WDFY2: variants seen among roughly 807,000 people sequenced by gnomAD.
The protein encoded by WDFY2 is WD repeat and FYVE domain-containing protein 2.
In WDFY2, 36 loss-of-function variants were observed where a neutral mutation model predicts 56.4. The ratio of observed to expected loss-of-function variants is 0.64; its 90% CI spans 0.49 to 0.84. The LOEUF is 0.84. Ranked by LOEUF, WDFY2 falls within the 40% of genes least tolerant of loss-of-function variation. The pLI, the probability that WDFY2 is intolerant of heterozygous loss-of-function variation, is 0.00. For missense variants in WDFY2, 444 were observed against 512.2 expected (o/e 0.87, Z 1.29); for synonymous variants, 176 against 183.7 (o/e 0.96, Z 0.34).
At chr13:51,642,773 C>T (rs1295619960) in intron 1 of WDFY2, among the ~76,000 whole-genome samples, 1 of 151,432 alleles carries the variant, frequency 6.6e-6, no homozygotes, top group East Asian at 1.9e-4. Flanking sequence ...CTCCACCTCC[C>T]AGGTTCAAGT....
chr13:51,604,001 T>C (rs1050570608), intron 1 of WDFY2, among the ~76,000 whole-genome samples: 1 of 152,222 alleles, frequency 6.6e-6, no homozygotes, highest in Admixed American at 6.5e-5. Context: ...CATTAGCTGA[T>C]GTTTGCCATG....
chr13:51,597,233 A>G (rs1329767682), intron 1 of WDFY2, among the ~76,000 whole-genome samples: 2 of 152,240 alleles, frequency 1.3e-5, no homozygotes, highest in African/African-American at 2.4e-5. Context: ...TAAGTGAACA[A>G]ACGGTTGAGT....
chr13:51,702,897 A>C (rs1371083285), intron 3 of WDFY2, among the ~76,000 whole-genome samples: 2 of 152,226 alleles, frequency 1.3e-5, no homozygotes, highest in Non-Finnish European at 2.9e-5. Flanking sequence ...GGATCTCATA[A>C]ACAATCAGCT....
intron 3 of WDFY2, among the ~76,000 whole-genome samples, 200 bp from the exon 4 acceptor site, chr13:51,703,391 TATAAG>T (rs1952022738): frequency 6.6e-6 from 1 of 152,140 alleles, no homozygotes; most frequent in African/African-American, 2.4e-5. Context: ...AGTCAACACT[TATAAG>T]GTAAAATTAT....
At chr13:51,597,648 A>AT (rs1954177010) in intron 1 of WDFY2, among the ~76,000 whole-genome samples, 1 of 152,248 alleles carries the variant, frequency 6.6e-6, no homozygotes, top group Non-Finnish European at 1.5e-5. Flanking sequence ...TGCAGAGAGA[A>AT]TGGGATCAAA....
At chr13:51,600,341 C>G (rs1954248469) in intron 1 of WDFY2, among the ~76,000 whole-genome samples, 1 of 152,154 alleles carries the variant, frequency 6.6e-6, no homozygotes, top group Non-Finnish European at 1.5e-5. Context: ...CTTGCAGAAT[C>G]CAAGGGATGC....
chr13:51,745,263 A>G (rs1008240946), intron 7 of WDFY2, among the ~76,000 whole-genome samples: 1 of 152,182 alleles, frequency 6.6e-6, no homozygotes, highest in Non-Finnish European at 1.5e-5. Context: ...GATAGGGAAA[A>G]CCCAATTGGC....
rs143646275 is a variant in WDFY2 at position 51,663,974 on chromosome 13, T to C, written c.205+3311T>C. Among the ~76,000 whole-genome samples the C allele has an allele frequency of 1.9e-4, 29 of 152,336 alleles. No individual in the cohort carries two copies. The East Asian group carries it at 5.0e-3, about 26-fold the overall frequency. ...GTTAATTTTGTCCATTAAAATACCT[T>C]TTAAATATAGTGTTTGTCATATTCC... On this transcript the variant is annotated intron_variant, in intron 2 of 11. Coordinates refer to ENST00000298125, the MANE Select transcript of WDFY2 (RefSeq NM_052950.4).
At chr13:51,643,556 A>G (rs562828958) in intron 1 of WDFY2, among the ~76,000 whole-genome samples, 1 of 152,286 alleles carries the variant, frequency 6.6e-6, no homozygotes, top group South Asian at 2.1e-4. Flanking sequence ...GGTATTGATG[A>G]ACACTCTCAT....
At chr13:51,671,965 A>G (rs1593968932) in intron 2 of WDFY2, among the ~76,000 whole-genome samples, 1 of 151,238 alleles carries the variant, frequency 6.6e-6, no homozygotes, top group Non-Finnish European at 1.5e-5. Context: ...TGTATTTTTA[A>G]TAGAGATGGG....
chr13:51,654,442 T>C (rs1955467950), intron 1 of WDFY2, among the ~76,000 whole-genome samples: 1 of 152,224 alleles, frequency 6.6e-6, no homozygotes, highest in Non-Finnish European at 1.5e-5. Context: ...CCCAGTGAGA[T>C]GAACCTGGTA....
chr13:51,757,250 G>T (rs909172369), intron 10 of WDFY2, among the ~76,000 whole-genome samples: 2 of 152,084 alleles, frequency 1.3e-5, no homozygotes, highest in African/African-American at 4.8e-5. Flanking sequence ...CTCATCATAC[G>T]TGATGAAATT....
chr13:51,660,859 T>G (rs987667684), intron 2 of WDFY2, among the ~76,000 whole-genome samples, 196 bp downstream of exon 2: 2 of 152,234 alleles, frequency 1.3e-5, no homozygotes, highest in Non-Finnish European at 2.9e-5. Context: ...GACTCTATAT[T>G]CATAGCTTCT....
At chr13:51,670,232 C>T (rs532221266) in intron 2 of WDFY2, among the ~76,000 whole-genome samples, 1 of 152,134 alleles carries the variant, frequency 6.6e-6, no homozygotes, top group African/African-American at 2.4e-5. Flanking sequence ...GGCCACAGCA[C>T]TAGTTTTTTT....
chr13:51,587,704 A>T (rs1385100445), intron 1 of WDFY2: 1 of 152,256 alleles, frequency 6.6e-6, no homozygotes, highest in African/African-American at 2.4e-5. Flanking sequence ...AATTTAGTGC[A>T]GGAATTTTAG....
chr13:51,758,600 G>A (rs1412539568), intron 11 of WDFY2, among the ~76,000 whole-genome samples: 1 of 149,072 alleles, frequency 6.7e-6, no homozygotes, highest in Non-Finnish European at 1.5e-5. Flanking sequence ...GTGTTTTTGA[G>A]AACCTATTAC....
chr13:51,678,513 A>G (rs917418412), intron 3 of WDFY2, among the ~76,000 whole-genome samples: 5 of 152,220 alleles, frequency 3.3e-5, no homozygotes, highest in African/African-American at 1.2e-4. Flanking sequence ...ATTTATGCCA[A>G]TAGTTTAACT....
At chr13:51,722,169 T>TA (rs1952506112) in intron 5 of WDFY2, among the ~76,000 whole-genome samples, 1 of 152,064 alleles carries the variant, frequency 6.6e-6, no homozygotes, top group Non-Finnish European at 1.5e-5. Flanking sequence ...TAATGGTAGA[T>TA]AAGAGACCTC....
chr13:51,739,008 C>T (rs949783190), intron 6 of WDFY2, 41 bp from the exon 7 acceptor site: 2 of 1,507,678 alleles, frequency 1.3e-6, no homozygotes, highest in African/African-American at 2.8e-5. Flanking sequence ...GGGTAAGAGT[C>T]TTACCTTGTG....
Sources: gnomAD v4.1 joint callset for allele counts (sites outside exome capture counted in the v4.1 genomes callset) on GRCh38, gnomAD v4.1.1 for gene constraint, MANE v1.5 for transcripts, NCBI Gene and HGNC (gene_info 2026-07-23, HGNC 2026-07-21) for gene names.